Variants in ZMAT4 observed in about 807,000 individuals in gnomAD.
ZMAT4 encodes the protein zinc finger matrin-type 4.
A neutral mutation model predicts 28.7 loss-of-function variants in ZMAT4; 17 were observed. The ratio of observed to expected loss-of-function variants is 0.59; its 90% CI spans 0.41 to 0.89. The LOEUF (loss-of-function observed/expected upper bound fraction) is 0.89. Ranked by LOEUF, ZMAT4 falls within the 40% of genes least tolerant of loss-of-function variation. ZMAT4 has a pLI of 0.00. For synonymous variants in ZMAT4, 117 were observed against 109.2 expected, an observed-to-expected ratio of 1.07 and a Z score of -0.44; for missense variants, 240 against 283.8, an observed-to-expected ratio of 0.85 and a Z score of 1.11.
At chr8:40,604,605 T>C (rs746013951) in intron 5 of ZMAT4, among the ~76,000 whole-genome samples, 1 of 152,232 alleles carries the variant, frequency 6.6e-6, no homozygotes, top group Non-Finnish European at 1.5e-5. Flanking sequence ...TTTGATATGC[T>C]GTTGGATTTG....
intron 6 of ZMAT4, among the ~76,000 whole-genome samples, chr8:40,568,652 C>T (rs993457109): frequency 6.6e-6 from 1 of 152,144 alleles, no homozygotes; most frequent in Non-Finnish European, 1.5e-5. Flanking sequence ...ACTCAATCCT[C>T]ACTATAGTCA....
chr8:40,637,834 A>G (rs1347588790), intron 5 of ZMAT4, among the ~76,000 whole-genome samples: 7 of 152,206 alleles, frequency 4.6e-5, no homozygotes, highest in Non-Finnish European at 7.3e-5. Flanking sequence ...AGGTATTGGG[A>G]AGACTTTTAT....
chr8:40,725,402 T>G (rs1811276914), intron 3 of ZMAT4, among the ~76,000 whole-genome samples: 1 of 152,154 alleles, frequency 6.6e-6, no homozygotes, highest in Non-Finnish European at 1.5e-5. Context: ...TTTTCATTTT[T>G]GTATGTATTA....
intron 2 of ZMAT4, among the ~76,000 whole-genome samples, chr8:40,775,812 C>T (rs2150567911): frequency 6.6e-6 from 1 of 152,286 alleles, no homozygotes; most frequent in Admixed American, 6.5e-5. Context: ...GAAGCAGGGT[C>T]TGTCAGGAGG....
At chr8:40,643,152 G>A (rs1807124912) in intron 5 of ZMAT4, among the ~76,000 whole-genome samples, 4 of 152,088 alleles carry the variant, frequency 2.6e-5, no homozygotes, top group Admixed American at 2.0e-4. Flanking sequence ...GTTTAACCAA[G>A]CACATGTCTG....
At chr8:40,774,836 C>T (rs545788160) in intron 2 of ZMAT4, among the ~76,000 whole-genome samples, 1 of 152,176 alleles carries the variant, frequency 6.6e-6, no homozygotes, top group Non-Finnish European at 1.5e-5. Context: ...TTACAAGTGA[C>T]TTTAAGTTTT....
At chr8:40,580,979 T>C (rs1804445525) in intron 6 of ZMAT4, among the ~76,000 whole-genome samples, 186 bp downstream of exon 6, 1 of 152,170 alleles carries the variant, frequency 6.6e-6, no homozygotes, top group African/African-American at 2.4e-5. Context: ...GAGATTCTTA[T>C]TACTCATGCC....
intron 1 of ZMAT4, among the ~76,000 whole-genome samples, chr8:40,846,794 T>C (rs1031180130): frequency 1.3e-5 from 2 of 152,154 alleles, no homozygotes; most frequent in African/African-American, 4.8e-5. Flanking sequence ...TCCGTTCCAA[T>C]GTTTAACGGC....
At chr8:40,645,368 A>G (rs1437538565) in intron 5 of ZMAT4, among the ~76,000 whole-genome samples, 1 of 152,188 alleles carries the variant, frequency 6.6e-6, no homozygotes, top group Non-Finnish European at 1.5e-5. Flanking sequence ...GGCAGAATTA[A>G]GGTTTTAGGA....
rs193282595 is a variant in ZMAT4, at chr8:40,785,578, A to C, written c.103-17848T>G. On this transcript the variant is annotated intron_variant, in intron 2 of 6. Transcript: ENST00000297737. Reference sequence around the variant, plus strand: ...GCTTGTCTTTCTCAAACACATGGTCAGGATTCTATAATTTCTTCCTGACCC... The same window carrying C: ...GCTTGTCTTTCTCAAACACATGGTCCGGATTCTATAATTTCTTCCTGACCC... Among the ~76,000 whole-genome samples, 197 of 152,338 alleles carry C rather than the reference A, an allele frequency of 1.3e-3. 2 individuals carry two copies. The highest frequency in any genetic ancestry group is 4.5e-3 in the African/African-American group (186 of 41,574).
chr8:40,847,802 T>A (rs1586161824), intron 1 of ZMAT4, among the ~76,000 whole-genome samples: 1 of 152,166 alleles, frequency 6.6e-6, no homozygotes, highest in Admixed American at 6.5e-5. Context: ...GCAGCTGAAG[T>A]CCGTCCACCA....
chr8:40,794,802 G>A (rs1007864542), intron 2 of ZMAT4, among the ~76,000 whole-genome samples: 2 of 152,074 alleles, frequency 1.3e-5, no homozygotes, highest in Non-Finnish European at 2.9e-5. Flanking sequence ...GGACACAAAC[G>A]GCCAGCTGTC....
intron 3 of ZMAT4, among the ~76,000 whole-genome samples, chr8:40,753,653 T>G (rs991922757): frequency 6.6e-6 from 1 of 152,172 alleles, no homozygotes; most frequent in African/African-American, 2.4e-5. Flanking sequence ...CAATTAATAT[T>G]TTCTGAATGA....
At chr8:40,569,477 C>G (rs1023409645) in intron 6 of ZMAT4, among the ~76,000 whole-genome samples, 35 of 152,162 alleles carry the variant, frequency 2.3e-4, no homozygotes, top group African/African-American at 7.7e-4. Context: ...AGGCACTACA[C>G]TAACTTACAG....
At chr8:40,806,910 T>C (rs1391068556) in intron 2 of ZMAT4, among the ~76,000 whole-genome samples, 1 of 151,986 alleles carries the variant, frequency 6.6e-6, no homozygotes, top group Non-Finnish European at 1.5e-5. Flanking sequence ...CAGTTGTTTA[T>C]CACCAGGCTC....
chr8:40,764,090 G>GATA (rs1370049387), intron 3 of ZMAT4, among the ~76,000 whole-genome samples: 2 of 152,242 alleles, frequency 1.3e-5, no homozygotes, highest in African/African-American at 4.8e-5. Context: ...CGGGTCTGAA[G>GATA]ATAATAAAAG....
At chr8:40,636,248 G>A (rs751806778) in intron 5 of ZMAT4, among the ~76,000 whole-genome samples, 1 of 152,174 alleles carries the variant, frequency 6.6e-6, no homozygotes, top group Admixed American at 6.5e-5. Context: ...TTTTCATCTT[G>A]AGAAACTGGC....
At chr8:40,865,590 G>A (rs992978316) in intron 1 of ZMAT4, among the ~76,000 whole-genome samples, 1 of 152,186 alleles carries the variant, frequency 6.6e-6, no homozygotes, top group Admixed American at 6.5e-5. Flanking sequence ...CAGCCAGCTG[G>A]GGGATTGAAA....
chr8:40,628,766 T>C (rs994770858), intron 5 of ZMAT4, among the ~76,000 whole-genome samples: 3 of 152,092 alleles, frequency 2.0e-5, no homozygotes, highest in African/African-American at 7.2e-5. Context: ...GTAGAAGGAT[T>C]TTTACTTCCA....
Sources: gnomAD v4.1 joint callset for allele counts (sites outside exome capture counted in the v4.1 genomes callset) on GRCh38, gnomAD v4.1.1 for gene constraint, MANE v1.5 for transcripts, NCBI Gene and HGNC (gene_info 2026-07-23, HGNC 2026-07-21) for gene names.